RYR2: variants seen among roughly 807,000 people sequenced by gnomAD.
The protein encoded by RYR2 is ryanodine receptor 2.
A neutral mutation model predicts 601.1 loss-of-function variants in RYR2; 227 were observed. That is an observed-to-expected ratio of 0.38 (90% CI 0.34 to 0.42). The LOEUF (loss-of-function observed/expected upper bound fraction) is 0.42, where lower values mean the gene tolerates loss of function less well. Among genes scored for constraint, RYR2 ranks in the 10% least tolerant of loss-of-function variants. The pLI is 1.00. For synonymous variants in RYR2, 2,223 were observed against 2,175.1 expected, an observed-to-expected ratio of 1.02 and a Z score of -0.61; for missense variants, 4,646 against 6,156.5, an observed-to-expected ratio of 0.75 and a Z score of 8.21.
At chr1:237,725,290 A>G (rs1447114343) in intron 74 of RYR2, among the ~76,000 whole-genome samples, 1 of 152,086 alleles carries the variant, frequency 6.6e-6, no homozygotes, top group African/African-American at 2.4e-5. Flanking sequence ...GTTAAAAGAA[A>G]TTGTCGATTA....
chr1:237,323,290 C>T (rs932043923), intron 2 of RYR2, among the ~76,000 whole-genome samples: 10 of 152,050 alleles, frequency 6.6e-5, no homozygotes, highest in Non-Finnish European at 1.5e-4. Context: ...ATATGACTTT[C>T]AAGATACATA....
intron 80 of RYR2, among the ~76,000 whole-genome samples, chr1:237,744,225 C>T (rs570069969): frequency 1.3e-5 from 2 of 151,988 alleles, no homozygotes; most frequent in Admixed American, 1.3e-4. Context: ...TACAAAATTA[C>T]TTACATTAAT....
At chr1:237,042,817 G>T (rs1269551102) in intron 1 of RYR2, among the ~76,000 whole-genome samples, 1 of 152,078 alleles carries the variant, frequency 6.6e-6, no homozygotes, top group Admixed American at 6.5e-5. Context: ...CTAGCCGGCG[G>T]CAGGCGCCCG....
At chr1:237,343,495 C>T (rs546857315) in intron 3 of RYR2, among the ~76,000 whole-genome samples, 2 of 151,914 alleles carry the variant, frequency 1.3e-5, no homozygotes, top group East Asian at 3.9e-4. Context: ...ATAAATGGAG[C>T]GTGTGCATTG....
At chr1:237,493,148 C>T (rs1006794855) in intron 19 of RYR2, 61 bp downstream of exon 19, 114 of 1,579,358 alleles carry the variant, frequency 7.2e-5, no homozygotes, top group Non-Finnish European at 9.0e-5. Flanking sequence ...AATGTTCTTG[C>T]CCTGTAGCTG....
Position 237,163,355 on chromosome 1 carries a change from A to AC in RYR2, c.49-107134dup, listed in dbSNP as rs67343728. Among the ~76,000 whole-genome samples the AC allele has an allele frequency of 6.8e-3, 617 of 90,306 alleles. 8 individuals carry two copies. Among genetic ancestry groups the AC allele is most frequent in the South Asian group, 0.034 (78 of 2,312 alleles). 59.2% of individuals were successfully genotyped at this position (90,306 alleles called of 152,430 possible). ...AAGTACCGCCCACCCCCAACCCCCT[A>AC]CCCCCCCCACCCCCACCCCTCCACA... On this transcript the variant is annotated intron_variant, in intron 1 of 104. Coordinates refer to ENST00000366574, the MANE Select transcript of RYR2 (RefSeq NM_001035.3).
At chr1:237,046,462 C>T (rs1466734748) in intron 1 of RYR2, among the ~76,000 whole-genome samples, 3 of 152,184 alleles carry the variant, frequency 2.0e-5, no homozygotes, top group African/African-American at 7.2e-5. Context: ...TGGAAATTCG[C>T]ACTTTTTGCT....
rs1169489292 is a variant in RYR2, at chr1:237,106,505, A to G, written c.48+63936A>G. On this transcript the variant is annotated intron_variant, in intron 1 of 104. Coordinates refer to ENST00000366574, the MANE Select transcript of RYR2 (RefSeq NM_001035.3). The surrounding 1 kb of genome is among the most constrained non-coding windows in gnomAD (Gnocchi z 4.4). ...ACCAGCTAAGATGGAGCGGTCCTGG[A>G]AAGAGTGAAGATCAAGAGTTTCATT... Among the ~76,000 whole-genome samples, 1 of 152,218 alleles carries G rather than the reference A, an allele frequency of 6.6e-6. No individual in the cohort carries two copies. Among genetic ancestry groups the G allele is most frequent in the Non-Finnish European group, 1.5e-5 (1 of 68,044 alleles).
intron 23 of RYR2, among the ~76,000 whole-genome samples, chr1:237,510,166 G>C (rs1665741397): frequency 6.6e-6 from 1 of 152,228 alleles, no homozygotes; most frequent in Admixed American, 6.5e-5. Context: ...GAGACAGGGA[G>C]AGGGCACAGG....
intron 100 of RYR2, among the ~76,000 whole-genome samples, chr1:237,814,711 C>A (rs1661605825): frequency 6.6e-6 from 1 of 152,010 alleles, no homozygotes; most frequent in Non-Finnish European, 1.5e-5. Flanking sequence ...GGCTAGATAG[C>A]CAGGGAGTCT....
chr1:237,202,053 G>A (rs1017483647), intron 1 of RYR2, among the ~76,000 whole-genome samples: 8 of 152,162 alleles, frequency 5.3e-5, no homozygotes, highest in Non-Finnish European at 1.2e-4. Context: ...AATAGGGCTG[G>A]GGTAGACAGA....
chr1:237,496,112 T>C (rs946576785), intron 19 of RYR2, among the ~76,000 whole-genome samples: 2 of 152,166 alleles, frequency 1.3e-5, no homozygotes, highest in Admixed American at 6.6e-5. Flanking sequence ...ATGTTTAAAA[T>C]AGTGAGATGT....
chr1:237,499,931 T>C (rs760495062), intron 20 of RYR2, among the ~76,000 whole-genome samples: 12 of 152,200 alleles, frequency 7.9e-5, no homozygotes, highest in Non-Finnish European at 1.6e-4. Context: ...GTTCTTCGAA[T>C]CAGGAATGGG....
At chr1:237,336,112 G>A (rs567914873) in intron 3 of RYR2, among the ~76,000 whole-genome samples, 9 of 152,220 alleles carry the variant, frequency 5.9e-5, no homozygotes, top group South Asian at 2.1e-4. Flanking sequence ...TGTTATAGAA[G>A]TATATATAAT....
At chr1:237,270,037 GTTA>G (rs1292095735) in intron 1 of RYR2, among the ~76,000 whole-genome samples, 5 of 152,174 alleles carry the variant, frequency 3.3e-5, no homozygotes, top group Non-Finnish European at 7.3e-5. Context: ...AGAAAGTTCT[GTTA>G]TTGACCTGTT....
At chr1:237,240,683 A>ACG (rs1558481244) in intron 1 of RYR2, among the ~76,000 whole-genome samples, 1 of 149,044 alleles carries the variant, frequency 6.7e-6, no homozygotes, top group African/African-American at 2.5e-5. Context: ...AAAAAAAAAA[A>ACG]AAAAAACAGT....
At chr1:237,388,296 T>A in intron 10 of RYR2, 113 bp downstream of exon 10, 1 of 799,662 alleles carries the variant, frequency 1.3e-6, no homozygotes, top group Non-Finnish European at 2.0e-6. Context: ...GATGGGCTAC[T>A]GACATTCATT....
intron 27 of RYR2, among the ~76,000 whole-genome samples, chr1:237,560,229 G>C (rs992719529): frequency 1.1e-4 from 17 of 152,176 alleles, no homozygotes; most frequent in African/African-American, 4.1e-4. Context: ...TCACTCCCCA[G>C]CTTTTCCTTT....
intron 1 of RYR2, among the ~76,000 whole-genome samples, chr1:237,098,422 T>C (rs74977016): frequency 0.03 from 4,526 of 149,954 alleles, 103 homozygotes; most frequent in East Asian, 0.13. Context: ...TGTGTGTGTG[T>C]GGTGAGACAC....
Sources: gnomAD v4.1 joint callset for allele counts (sites outside exome capture counted in the v4.1 genomes callset) on GRCh38, gnomAD v4.1.1 for gene constraint, Gnocchi (gnomAD v3.1) non-coding constraint, MANE v1.5 for transcripts, NCBI Gene and HGNC (gene_info 2026-07-23, HGNC 2026-07-21) for gene names.